The following IKBKB-DT variants were observed in gnomAD, a reference collection of about 807,000 sequenced individuals.
IKBKB-DT encodes the protein IKBKB divergent transcript.
intron 3 of IKBKB-DT, chr8:42,255,367 G>T (rs1393446915): frequency 6.6e-6 from 1 of 152,156 alleles, no homozygotes; most frequent in Non-Finnish European, 1.5e-5. Context: ...TCTCAGGTTA[G>T]ACTTTCCAAG....
intron 1 of IKBKB-DT, among the ~76,000 whole-genome samples, chr8:42,269,065 A>T (rs911210089): frequency 6.6e-6 from 1 of 151,662 alleles, no homozygotes; most frequent in Non-Finnish European, 1.5e-5. Context: ...CTGTAATCCC[A>T]GCACTTAGGG....
At chr8:42,249,417 A>ATGTGTG (rs35004589) in intron 3 of IKBKB-DT, 10 of 129,750 alleles carry the variant, frequency 7.7e-5, no homozygotes, top group Admixed American at 5.8e-4. Context: ...ATGTATATAT[A>ATGTGTG]TGTGTGTGTG....
chr8:42,243,079 G>A (rs937055816), intron 3 of IKBKB-DT, among the ~76,000 whole-genome samples: 8 of 152,198 alleles, frequency 5.3e-5, no homozygotes, highest in Admixed American at 3.3e-4. Flanking sequence ...AAAGGCAGGG[G>A]AGGAGGTGAG....
chr8:42,253,283 G>C (rs1426495334), intron 3 of IKBKB-DT, among the ~76,000 whole-genome samples: 1 of 152,176 alleles, frequency 6.6e-6, no homozygotes, highest in African/African-American at 2.4e-5. Flanking sequence ...CCCCTGCTTT[G>C]AGTTGTCTTG....
At chr8:42,266,008 TC>T (rs1357673171) in exon 2 of IKBKB-DT, 1 of 152,206 alleles carries the variant, frequency 6.6e-6, no homozygotes, top group Non-Finnish European at 1.5e-5. Flanking sequence ...ATTCTCACCC[TC>T]GTCTCCACCA....
intron 3 of IKBKB-DT, among the ~76,000 whole-genome samples, chr8:42,248,641 G>C (rs1807091495): frequency 6.6e-6 from 1 of 152,036 alleles, no homozygotes; most frequent in African/African-American, 2.4e-5. Flanking sequence ...AGCACTTTGG[G>C]AGGCCAAGGC....
intron 3 of IKBKB-DT, among the ~76,000 whole-genome samples, chr8:42,238,929 C>T (rs1806961543): frequency 6.6e-6 from 1 of 152,122 alleles, no homozygotes; most frequent in South Asian, 2.1e-4. Context: ...GTAATAAACT[C>T]CCATCCTTTT....
chr8:42,252,192 G>A (rs562508133), intron 3 of IKBKB-DT, among the ~76,000 whole-genome samples: 1 of 152,180 alleles, frequency 6.6e-6, no homozygotes, highest in African/African-American at 2.4e-5. Flanking sequence ...GATTAGGGTG[G>A]GATGGCCAGC....
At chr8:42,239,614 T>TTATATTTATATATATATATATATATATA (rs1806972351) in intron 3 of IKBKB-DT, among the ~76,000 whole-genome samples, 1 of 19,910 alleles carries the variant, frequency 5.0e-5, no homozygotes, top group Non-Finnish European at 1.1e-4. Context: ...AAAAGGCAAT[T>TTATATTTATATATATATATATATATATA]TATATATATA....
chr8:42,264,116 T>A (rs542394723), intron 2 of IKBKB-DT, among the ~76,000 whole-genome samples: 8 of 137,494 alleles, frequency 5.8e-5, no homozygotes, highest in Admixed American at 2.1e-4. Context: ...CCAGCTGGGC[T>A]TTTTTTTTTG....
intron 1 of IKBKB-DT, among the ~76,000 whole-genome samples, chr8:42,267,665 A>C (rs1300069908): frequency 2.0e-5 from 3 of 152,148 alleles, no homozygotes; most frequent in Non-Finnish European, 4.4e-5. Flanking sequence ...CTCAGCCTCA[A>C]AGCAGGAAGA....
chr8:42,263,866 C>G (rs538509322), intron 2 of IKBKB-DT, among the ~76,000 whole-genome samples: 1 of 152,172 alleles, frequency 6.6e-6, no homozygotes, highest in Non-Finnish European at 1.5e-5. Flanking sequence ...GGCCGGAGTG[C>G]AATGGCACGA....
intron 2 of IKBKB-DT, among the ~76,000 whole-genome samples, chr8:42,264,281 C>G (rs1286062716): frequency 2.0e-5 from 3 of 151,932 alleles, no homozygotes; most frequent in Admixed American, 1.3e-4. Flanking sequence ...CTCAGCCTCC[C>G]CAGTAGCTGG....
chr8:42,234,742 G>A (rs951988956), intron 3 of IKBKB-DT, among the ~76,000 whole-genome samples: 3 of 152,048 alleles, frequency 2.0e-5, no homozygotes, highest in African/African-American at 7.2e-5. Context: ...CAATTTTCGT[G>A]CCTCAGCCTC....
chr8:42,259,143 A>G (rs1181857037), intron 3 of IKBKB-DT, among the ~76,000 whole-genome samples: 1 of 152,054 alleles, frequency 6.6e-6, no homozygotes, highest in Non-Finnish European at 1.5e-5. Flanking sequence ...CTCCTGCCTC[A>G]GCCTCCTGAG....
At chr8:42,240,951 G>A (rs1274067664) in intron 3 of IKBKB-DT, among the ~76,000 whole-genome samples, 4 of 151,862 alleles carry the variant, frequency 2.6e-5, no homozygotes, top group African/African-American at 9.7e-5. Flanking sequence ...CTCCAGCCTG[G>A]GCAACATAGC....
chr8:42,242,906 C>A (rs1304589235), intron 3 of IKBKB-DT, among the ~76,000 whole-genome samples: 1 of 152,216 alleles, frequency 6.6e-6, no homozygotes, highest in East Asian at 1.9e-4. Flanking sequence ...CAGATCATAA[C>A]CAAAATGCAG....
At chr8:42,235,734 C>T (rs1006881381) in intron 3 of IKBKB-DT, among the ~76,000 whole-genome samples, 1 of 152,182 alleles carries the variant, frequency 6.6e-6, no homozygotes, top group African/African-American at 2.4e-5. Context: ...AACTTCATCT[C>T]CCACGTGGCA....
intron 3 of IKBKB-DT, among the ~76,000 whole-genome samples, chr8:42,254,245 T>C (rs1396328601): frequency 1.3e-5 from 2 of 152,242 alleles, no homozygotes; most frequent in East Asian, 3.8e-4. Context: ...TAAAACATAA[T>C]ATTTCTCTCT....
Sources: allele counts gnomAD v4.1 joint callset (sites outside exome capture counted in the v4.1 genomes callset), GRCh38; gene constraint gnomAD v4.1.1; transcripts MANE v1.5; gene names NCBI Gene and HGNC (gene_info 2026-07-23, HGNC 2026-07-21).